Variants in CPNE4 observed in about 807,000 individuals in gnomAD.
The protein encoded by CPNE4 is copine 4.
A neutral mutation model predicts 67.9 loss-of-function variants in CPNE4; 25 were observed. The ratio of observed to expected loss-of-function variants is 0.37; its 90% CI spans 0.27 to 0.51. The LOEUF is 0.51. Ranked by LOEUF, CPNE4 falls within the 20% of genes least tolerant of loss-of-function variation. CPNE4 has a pLI of 0.93. For missense variants in CPNE4, 464 were observed against 690.8 expected, an observed-to-expected ratio of 0.67 and a Z score of 3.68; for synonymous variants, 242 against 244.9, an observed-to-expected ratio of 0.99 and a Z score of 0.11.
intron 2 of CPNE4, among the ~76,000 whole-genome samples, chr3:131,755,234 T>C (rs1449261448): frequency 6.8e-6 from 1 of 147,166 alleles, no homozygotes; most frequent in African/African-American, 2.5e-5. Flanking sequence ...TGTGAGAAAA[T>C]AACTGAGCCA....
At chr3:131,603,285 A>C (rs1179823952) in intron 7 of CPNE4, among the ~76,000 whole-genome samples, 1 of 152,244 alleles carries the variant, frequency 6.6e-6, no homozygotes, top group Non-Finnish European at 1.5e-5. Flanking sequence ...AAAGATGGGA[A>C]GATAGATGGA....
intron 2 of CPNE4, among the ~76,000 whole-genome samples, chr3:131,792,617 A>ATATATACACGTG (rs1560320817): frequency 0.012 from 1,197 of 98,696 alleles, 164 homozygotes; most frequent in African/African-American, 0.037. Flanking sequence ...GTGTGTATAT[A>ATATATACACGTG]TGTATATATA....
chr3:131,825,827 T>G (rs967954683), intron 2 of CPNE4, among the ~76,000 whole-genome samples: 1 of 152,136 alleles, frequency 6.6e-6, no homozygotes, highest in Non-Finnish European at 1.5e-5. Context: ...TTTCATCCAT[T>G]CTCTCATACC....
intron 3 of CPNE4, 45 bp downstream of exon 3, chr3:131,723,401 G>A (rs370373925): frequency 8.3e-5 from 128 of 1,539,220 alleles, no homozygotes; most frequent in Admixed American, 5.3e-4. Flanking sequence ...CAGGAAGAAA[G>A]GCCCTAGGAT....
intron 2 of CPNE4, among the ~76,000 whole-genome samples, chr3:131,770,372 A>C (rs1057118216): frequency 2.0e-5 from 3 of 152,232 alleles, no homozygotes; most frequent in Non-Finnish European, 4.4e-5. Flanking sequence ...GCCAAGAAAT[A>C]CTGAAGTTGT....
Position 131,549,958 on chromosome 3 carries a change from T to C in CPNE4, c.1291A>G (p.Lys431Glu), listed in dbSNP as rs770605692. The C allele has an allele frequency of 7.4e-6, 12 of 1,612,902 alleles. No homozygotes were observed. The highest frequency in any genetic ancestry group is 8.5e-6 in the Non-Finnish European group (10 of 1,179,320). Residue 431 changes from lysine (K) to glutamate (E), a missense_variant, in exon 14 of 16, where the codon AAG (lysine) becomes GAG (glutamate). Physicochemically the swap from Lys to Glu is moderately conservative, Grantham distance 56. This residue lies in a region of CPNE4 where 201 missense variants were observed against 357.7 expected (regional missense o/e 0.56). Transcript: ENST00000429747. ...AGCCCCCTCCTTACCGATGCCTCCT[T>C]GGTGTTAGTTTCCTCTGACGCTGAC... ...AKSASEETNTKEASQYFILLI... is the reference protein window; with the variant it reads ...AKSASEETNTEEASQYFILLI...
At chr3:131,747,042 A>C (rs1024055713) in intron 2 of CPNE4, among the ~76,000 whole-genome samples, 1 of 150,826 alleles carries the variant, frequency 6.6e-6, no homozygotes, top group East Asian at 1.9e-4. Context: ...ATATTTTTTC[A>C]TATATCTGTT....
intron 2 of CPNE4, among the ~76,000 whole-genome samples, chr3:131,828,906 T>G (rs78202842): frequency 0.024 from 3,675 of 152,280 alleles, 140 homozygotes; most frequent in African/African-American, 0.082. Context: ...GAAGAATCTT[T>G]GAACACTGTA....
At chr3:131,698,886 G>C (rs1385747408) in intron 4 of CPNE4, among the ~76,000 whole-genome samples, 2 of 145,436 alleles carry the variant, frequency 1.4e-5, no homozygotes, top group Admixed American at 6.9e-5. Context: ...CTCCAGTCTG[G>C]GTGACAGGCT....
intron 9 of CPNE4, among the ~76,000 whole-genome samples, 183 bp downstream of exon 9, chr3:131,581,396 C>T (rs1937827429): frequency 6.6e-6 from 1 of 152,200 alleles, no homozygotes; most frequent in Non-Finnish European, 1.5e-5. Flanking sequence ...ACTGCGCTGC[C>T]ACAGCTCCAT....
intron 1 of CPNE4, among the ~76,000 whole-genome samples, chr3:132,020,967 C>T (rs368756830): frequency 6.6e-6 from 1 of 152,192 alleles, no homozygotes; most frequent in African/African-American, 2.4e-5. Flanking sequence ...TCTTAAATCC[C>T]CTTTTTTCTC....
intron 2 of CPNE4, among the ~76,000 whole-genome samples, chr3:131,772,668 G>A (rs2083196352): frequency 6.6e-6 from 1 of 152,096 alleles, no homozygotes. Flanking sequence ...GAAAAAATGA[G>A]TGCAGTGGGG....
chr3:131,811,059 G>C (rs1169191634), intron 2 of CPNE4, among the ~76,000 whole-genome samples: 1 of 152,014 alleles, frequency 6.6e-6, no homozygotes, highest in Non-Finnish European at 1.5e-5. Flanking sequence ...AGGGTACAAA[G>C]TTTTAGTTAC....
At position 131,549,937 on chromosome 3, in the gene CPNE4, C is replaced by G; in HGVS notation, c.1302+10G>C. The G allele has an allele frequency of 6.2e-7, 1 of 1,612,594 alleles. No homozygotes were observed. Among genetic ancestry groups the G allele is most frequent in the Non-Finnish European group, 8.5e-7 (1 of 1,179,062 alleles). ...AGCTCCCCTTAGGAGGCAAATAGCC[C>G]CCTCCTTACCGATGCCTCCTTGGTG... On this transcript the variant is annotated intron_variant, in intron 14 of 15. Transcript: ENST00000429747.
chr3:131,732,755 C>A (rs948608660), intron 2 of CPNE4, among the ~76,000 whole-genome samples: 1 of 152,192 alleles, frequency 6.6e-6, no homozygotes, highest in East Asian at 1.9e-4. Flanking sequence ...TTGATTGATT[C>A]CTTAATGCTC....
intron 2 of CPNE4, among the ~76,000 whole-genome samples, chr3:131,835,674 T>C (rs2085528301): frequency 6.6e-6 from 1 of 152,140 alleles, no homozygotes; most frequent in Admixed American, 6.5e-5. Flanking sequence ...CACCAGCCTA[T>C]CTGTGACATA....
chr3:131,852,933 T>C (rs554209327), intron 2 of CPNE4, among the ~76,000 whole-genome samples: 19 of 151,624 alleles, frequency 1.3e-4, no homozygotes, highest in Non-Finnish European at 2.1e-4. Context: ...TGGTGAAAAC[T>C]ATAAGTAACT....
At chr3:131,857,654 T>C (rs1220058125) in intron 2 of CPNE4, among the ~76,000 whole-genome samples, 3 of 152,052 alleles carry the variant, frequency 2.0e-5, no homozygotes, top group South Asian at 2.1e-4. Flanking sequence ...GGCTCCAGGA[T>C]GGGATGTTCT....
rs376840169 is a variant in CPNE4, at chr3:131,998,194, C to A, written c.-2+36373G>T. 5.1e-4 allele frequency among the ~76,000 whole-genome samples: 77 copies of A among 152,150 alleles called. 1 individual carries two copies. The highest frequency in any genetic ancestry group is 3.4e-3 in the Middle Eastern group (1 of 292). On this transcript the variant is annotated intron_variant, in intron 1 of 15. Transcript: ENST00000429747. ...GCATAGAAATGCTAAAGTTTCCTAC[C>A]CTTGAACCTCAAAGATCCCCTGATG... is the stretch of plus-strand genomic sequence containing the variant.
Sources: gnomAD v4.1 joint callset for allele counts (sites outside exome capture counted in the v4.1 genomes callset) on GRCh38, gnomAD v4.1.1 for gene constraint, gnomAD v4.1.1 regional missense constraint, MANE v1.5 for transcripts, NCBI Gene and HGNC (gene_info 2026-07-23, HGNC 2026-07-21) for gene names.